Variants in FOXO1 observed in about 807,000 individuals in gnomAD.
FOXO1 encodes the protein forkhead box O1, also known as forkhead box protein O1.
FOXO1 carries 6 observed loss-of-function variants against 44.1 expected under a neutral mutation model. The ratio of observed to expected loss-of-function variants is 0.14; its 90% CI spans 0.07 to 0.27. FOXO1 has a LOEUF of 0.27. Ranked by LOEUF, FOXO1 falls within the 10% of genes least tolerant of loss-of-function variation. FOXO1 has a pLI of 1.00. For synonymous variants in FOXO1, 380 were observed against 362.7 expected (o/e 1.05, Z -0.54); for missense variants, 737 against 888.8 (o/e 0.83, Z 2.17).
chr13:40,572,082 T>G (rs2137838472), intron 1 of FOXO1, among the ~76,000 whole-genome samples: 1 of 152,322 alleles, frequency 6.6e-6, no homozygotes, highest in East Asian at 1.9e-4. Context: ...TAAATGTATA[T>G]TCAAGGTATG....
At position 40,666,557 on chromosome 13, in the gene FOXO1, G is replaced by A; in HGVS notation, c.-345C>T. On this transcript the variant is annotated 5_prime_UTR_variant, in exon 1 of 3. Transcript: ENST00000379561. The stretch of plus-strand genomic sequence containing the variant: ...CGCGGGCCGCTTGCTCTCCCCAGCG[G>A]CGCGCCCGCTGCGCTGCTGCCTGTT... The A allele has an allele frequency of 4.2e-6, 1 of 240,932 alleles. No homozygotes were observed. Among genetic ancestry groups the A allele is most frequent in the Admixed American group, 5.6e-5 (1 of 17,846 alleles). The allele number at this position is 240,932 out of a possible 1,614,324, so 14.9% of individuals were successfully genotyped here.
intron 1 of FOXO1, among the ~76,000 whole-genome samples, chr13:40,593,065 C>T (rs1179730831): frequency 6.6e-6 from 1 of 152,060 alleles, no homozygotes; most frequent in Non-Finnish European, 1.5e-5. Context: ...ACTCTGTCAC[C>T]CACATTGGAG....
Position 40,560,134 on chromosome 13 carries a change from T to G in FOXO1, c.1357A>C (p.Ser453Arg), listed in dbSNP as rs138145556. 1 of 1,614,052 alleles carries G rather than the reference T, an allele frequency of 6.2e-7. No individual in the cohort carries two copies. The highest frequency in any genetic ancestry group is 1.3e-5 in the African/African-American group (1 of 74,906). The change falls in exon 2 of 3, where the codon AGT becomes CGT. Residue 453 changes from serine (S) to arginine (R), a missense_variant. This residue lies in a region of FOXO1 where 283 missense variants were observed against 278.1 expected (regional missense o/e 1.02). Coordinates refer to ENST00000379561, the MANE Select transcript of FOXO1 (RefSeq NM_002015.4). This position sits in a 1 kb window ranked among gnomAD's most constrained non-coding sequence, Gnocchi z 5.1. ...AGTCCAGGCGCACAGTTATACTGAC[T>G]CATACCTCCATAACTCGACTTATTG... Reference protein sequence around the residue: ...QDNKSSYGGMSQYNCAPGLLK... With the variant: ...QDNKSSYGGMRQYNCAPGLLK...
intron 1 of FOXO1, among the ~76,000 whole-genome samples, chr13:40,602,170 ATAATATGCT>A (rs1162720737): frequency 2.0e-5 from 3 of 152,220 alleles, no homozygotes; most frequent in Admixed American, 2.0e-4. Context: ...AATTGCAGGA[ATAATATGCT>A]TAATATGCTT....
intron 1 of FOXO1, among the ~76,000 whole-genome samples, chr13:40,665,198 C>T (rs1878186107): frequency 1.3e-5 from 2 of 152,012 alleles, no homozygotes; most frequent in Admixed American, 6.5e-5. Context: ...CCCGCCCTCC[C>T]CCCGCGGAGG....
intron 1 of FOXO1, among the ~76,000 whole-genome samples, chr13:40,576,233 G>GGA (rs576110417): frequency 5.3e-5 from 8 of 152,108 alleles, no homozygotes; most frequent in African/African-American, 1.4e-4. Context: ...CAGAAAGGGA[G>GGA]GAGAGAGAGA....
intron 1 of FOXO1, among the ~76,000 whole-genome samples, chr13:40,574,890 A>G (rs1488594324): frequency 1.3e-5 from 2 of 152,232 alleles, no homozygotes; most frequent in African/African-American, 2.4e-5. Flanking sequence ...AGCCAAACCT[A>G]GAAAACTCTT....
intron 1 of FOXO1, among the ~76,000 whole-genome samples, chr13:40,646,219 TATTA>T (rs1296049778): frequency 6.6e-6 from 1 of 151,960 alleles, no homozygotes. Flanking sequence ...AAAGCAAGCC[TATTA>T]ATTGATTATT....
At chr13:40,619,406 C>T in intron 1 of FOXO1, 1 of 854,756 alleles carries the variant, frequency 1.2e-6, no homozygotes, top group South Asian at 1.4e-5. Flanking sequence ...TTTCGGGGCA[C>T]AGGAAATGCA....
chr13:40,636,660 T>TAC (rs1877168974), intron 1 of FOXO1, among the ~76,000 whole-genome samples: 1 of 152,176 alleles, frequency 6.6e-6, no homozygotes, highest in South Asian at 2.1e-4. Flanking sequence ...TAGCTGAGAT[T>TAC]ACAGGCATGC....
intron 1 of FOXO1, among the ~76,000 whole-genome samples, chr13:40,595,655 T>C (rs902802393): frequency 6.6e-6 from 1 of 152,122 alleles, no homozygotes; most frequent in Non-Finnish European, 1.5e-5. Flanking sequence ...AAGTGAACAG[T>C]AACAGAAATT....
Position 40,648,406 on chromosome 13 carries a change from C to G in FOXO1, c.630+17177G>C, listed in dbSNP as rs144957219. 4.1e-4 allele frequency among the ~76,000 whole-genome samples: 62 copies of G among 152,066 alleles called. No individual in the cohort carries two copies. The East Asian group carries it at 0.01, about 25-fold the overall frequency. On this transcript the variant is annotated intron_variant, in intron 1 of 2. Transcript: ENST00000379561. ...CTTAGATGCAAAACAGTTCAAAAAC[C>G]CAAAAATGTCAAACTAGTCAAAAAA...
intron 1 of FOXO1, among the ~76,000 whole-genome samples, chr13:40,583,816 G>A (rs1875044765): frequency 1.3e-5 from 2 of 152,220 alleles, no homozygotes; most frequent in African/African-American, 4.8e-5. Flanking sequence ...TCACTGGAAT[G>A]GCATTTTTAA....
intron 1 of FOXO1, among the ~76,000 whole-genome samples, chr13:40,577,105 G>C (rs1487341819): frequency 6.6e-6 from 1 of 152,154 alleles, no homozygotes; most frequent in African/African-American, 2.4e-5. Context: ...CAAGGCTGTG[G>C]GGTACTGCAG....
At position 40,560,534 on chromosome 13, in the gene FOXO1, T is replaced by G; in HGVS notation, c.957A>C (p.Ser319=). 6.2e-7 allele frequency: 1 copy of G among 1,614,028 alleles called. No individual in the cohort carries two copies. Among genetic ancestry groups the G allele is most frequent in the Non-Finnish European group, 8.5e-7 (1 of 1,179,862 alleles). Residue 319 remains serine (S), a synonymous_variant, in exon 2 of 3, where the codon TCA becomes TCC. Coordinates refer to ENST00000379561, the MANE Select transcript of FOXO1 (RefSeq NM_002015.4). The surrounding 1 kb of genome is among the most constrained non-coding windows in gnomAD (Gnocchi z 5.1). Reference sequence around the variant, plus strand: ...GTCTCCCACTAATAGTACTAGCATTTGAGCTAGTTCGAGGGCGAAATGTAC... The same window carrying G: ...GTCTCCCACTAATAGTACTAGCATTGGAGCTAGTTCGAGGGCGAAATGTAC... The part of the protein sequence containing the change: ...NWSTFRPRTS[S]NASTISGRLS...
chr13:40,647,862 G>A (rs747683993), intron 1 of FOXO1, among the ~76,000 whole-genome samples: 67 of 152,226 alleles, frequency 4.4e-4, no homozygotes, highest in African/African-American at 1.5e-3. Flanking sequence ...GCAGGATCCT[G>A]AGACCCTGAC....
chr13:40,592,165 A>C (rs1435930582), intron 1 of FOXO1, among the ~76,000 whole-genome samples: 3 of 152,220 alleles, frequency 2.0e-5, no homozygotes, highest in African/African-American at 7.2e-5. Context: ...TTACTCTTCC[A>C]AACTGGGTAA....
rs1014802249 is a variant in FOXO1, at chr13:40,666,174, G to A, written c.39C>T (p.Asp13=). 1.2e-5 allele frequency: 18 copies of A among 1,459,272 alleles called. No individual in the cohort carries two copies. In the African/African-American group the frequency reaches 2.1e-4, roughly 17 times the overall value. The allele number at this position is 1,459,272 out of a possible 1,614,324, so 90.4% of individuals were successfully genotyped here. A position where few individuals can be genotyped will look rare whatever the true frequency, so the allele number is the denominator to read the frequency against. ...AGCGCGGCCGGGGCAGCGGCTCGAAGTCCGGGTCGATCTCCACCACCTGAG... is the reference window on the plus strand; with the variant it reads ...AGCGCGGCCGGGGCAGCGGCTCGAAATCCGGGTCGATCTCCACCACCTGAG... The part of the protein sequence containing the change: ...EAPQVVEIDP[D]FEPLPRPRSC... The change falls in exon 1 of 3, where the codon GAC becomes GAT. Residue 13 remains aspartate, a synonymous_variant. Coordinates refer to ENST00000379561, the MANE Select transcript of FOXO1 (RefSeq NM_002015.4).
At chr13:40,606,586 T>C (rs566341073) in intron 1 of FOXO1, among the ~76,000 whole-genome samples, 9 of 152,302 alleles carry the variant, frequency 5.9e-5, no homozygotes, top group Admixed American at 3.9e-4. Context: ...ATGCCAGGAT[T>C]CCAGGTGTAA....
Sources: allele counts gnomAD v4.1 joint callset (sites outside exome capture counted in the v4.1 genomes callset), GRCh38; gene constraint gnomAD v4.1.1; regional missense constraint gnomAD v4.1.1; non-coding constraint Gnocchi (gnomAD v3.1); transcripts MANE v1.5; gene names NCBI Gene and HGNC (gene_info 2026-07-23, HGNC 2026-07-21).